The following MACF1 variants were observed in gnomAD, a reference collection of about 807,000 sequenced individuals.
The protein encoded by MACF1 is microtubule-actin cross-linking factor 1.
Under a neutral mutation model 854.8 loss-of-function variants are expected in MACF1, and 193 were observed. The ratio of observed to expected loss-of-function variants is 0.23; its 90% CI spans 0.20 to 0.25. The LOEUF (loss-of-function observed/expected upper bound fraction) is 0.25, where lower values mean the gene tolerates loss of function less well. Among genes scored for constraint, MACF1 ranks in the 10% least tolerant of loss-of-function variants. MACF1 has a pLI of 1.00. For synonymous variants in MACF1, 3,185 were observed against 3,226.7 expected (o/e 0.99, Z 0.44); for missense variants, 7,722 against 8,929.1 (o/e 0.86, Z 5.45).
intron 2 of MACF1, among the ~76,000 whole-genome samples, chr1:39,130,162 C>A (rs1231717608): frequency 6.6e-6 from 1 of 152,166 alleles, no homozygotes; most frequent in African/African-American, 2.4e-5. Context: ...TTTTTCCCCC[C>A]CATTCATGGG....
intron 1 of MACF1, 115 bp from the exon 2 acceptor site, chr1:39,231,067 C>G: frequency 1.2e-6 from 1 of 800,028 alleles, no homozygotes; most frequent in Non-Finnish European, 2.2e-6. Context: ...GTCACTGTCC[C>G]ACAGTTATGT....
intron 31 of MACF1, among the ~76,000 whole-genome samples, chr1:39,322,327 G>T (rs1571333225): frequency 6.6e-6 from 1 of 152,162 alleles, no homozygotes; most frequent in Admixed American, 6.5e-5. Flanking sequence ...ATTTTATGAT[G>T]TGAAAATAAT....
intron 7 of MACF1, 119 bp downstream of exon 7, chr1:39,282,493 A>G: frequency 2.5e-6 from 3 of 1,191,224 alleles, no homozygotes; most frequent in Non-Finnish European, 3.4e-6. Flanking sequence ...TCATTTGTTC[A>G]TTTGAAAAAG....
rs890500456 is a variant in MACF1, at chr1:39,375,712, A to G, written c.13214-2749A>G. On this transcript the variant is annotated intron_variant, in intron 52 of 100. Transcript: ENST00000564288. ...AATGTTTTTGAAAGTTGACTTCACAATGTCAGAACAGGCTTTGATTGAATT... is the reference window on the plus strand; with the variant it reads ...AATGTTTTTGAAAGTTGACTTCACAGTGTCAGAACAGGCTTTGATTGAATT... Among the ~76,000 whole-genome samples the G allele has an allele frequency of 6.6e-5, 10 of 152,260 alleles. No individual in the cohort carries two copies. In the South Asian group the frequency reaches 1.2e-3, roughly 19 times the overall value.
intron 45 of MACF1, 81 bp downstream of exon 45, chr1:39,357,974 A>G: frequency 7.1e-7 from 1 of 1,402,628 alleles, no homozygotes; most frequent in Non-Finnish European, 9.6e-7. Context: ...GGGGCTCAGA[A>G]TAAGAACTCC....
intron 2 of MACF1, among the ~76,000 whole-genome samples, chr1:39,197,654 G>A (rs1571162524): frequency 6.6e-6 from 1 of 152,204 alleles, no homozygotes; most frequent in African/African-American, 2.4e-5. Context: ...AGGCAGAGGC[G>A]GGAGGGTCAC....
In MACF1 at chr1:39,485,839, T is replaced by C. The variant is rs1221012878; in HGVS notation, c.*45T>C. The C allele has an allele frequency of 2.0e-6, 3 of 1,521,214 alleles. No homozygotes were observed. In the Admixed American group the frequency reaches 6.3e-5, roughly 32 times the overall value. The allele number at this position is 1,521,214 out of a possible 1,614,324, so 94.2% of individuals were successfully genotyped here. A position where few individuals can be genotyped will look rare whatever the true frequency, so the allele number is the denominator to read the frequency against. On this transcript the variant is annotated 3_prime_UTR_variant, in exon 101 of 101. Transcript: ENST00000564288. ...AGCCACTATCCACTTTGAATCCTGC[T>C]CCATACATTGGGTGTATATTTATTC...
At chr1:39,208,718 G>A (rs1332140311) in intron 1 of MACF1, among the ~76,000 whole-genome samples, 2 of 152,024 alleles carry the variant, frequency 1.3e-5, no homozygotes, top group Admixed American at 6.6e-5. Flanking sequence ...CCCGCCTCCC[G>A]GGTTCAAGCG....
chr1:39,485,592 G>C lies in MACF1; in HGVS notation c.22466G>C (p.Ser7489Thr). The C allele has an allele frequency of 6.2e-7, 1 of 1,614,146 alleles. No individual in the cohort carries two copies. The highest frequency in any genetic ancestry group is 8.5e-7 in the Non-Finnish European group (1 of 1,180,000). ...PGSRAGSRAGSRASSRRGSDA... is the reference protein window; with the variant it reads ...PGSRAGSRAGTRASSRRGSDA... Reference sequence around the variant, plus strand: ...AGTCGGGCTGGGAGTCGAGCCGGGAGTCGAGCCAGCAGCCGGCGAGGAAGT... The same window carrying C: ...AGTCGGGCTGGGAGTCGAGCCGGGACTCGAGCCAGCAGCCGGCGAGGAAGT... Residue 7489 changes from serine to threonine, a missense_variant, in exon 101 of 101, where the codon AGT becomes ACT. Ser to Thr is a moderately conservative substitution (Grantham distance 58). Around this residue, in one of 15 missense-constraint regions of MACF1, gnomAD observed 185 missense variants for 225.7 expected, o/e 0.82. Transcript: ENST00000564288.
intron 2 of MACF1, among the ~76,000 whole-genome samples, chr1:39,156,595 G>T (rs1238864719): frequency 6.6e-6 from 1 of 152,070 alleles, no homozygotes; most frequent in African/African-American, 2.4e-5. Flanking sequence ...CTCCAGCCTG[G>T]GTGACAGAAC....
At chr1:39,238,514 C>T (rs540500006) in intron 2 of MACF1, among the ~76,000 whole-genome samples, 54 of 152,214 alleles carry the variant, frequency 3.5e-4, no homozygotes, top group Non-Finnish European at 5.3e-4. Flanking sequence ...CATACTTTGT[C>T]TCTAACCGTT....
At position 39,335,879 on chromosome 1, in the gene MACF1, C is replaced by G; in HGVS notation, c.9291C>G (p.Ala3097=). The change falls in exon 37 of 101, where the codon GCC becomes GCG. Residue 3097 remains alanine, a synonymous_variant. Transcript: ENST00000564288. The part of the protein sequence containing the change: ...ENLSREIACG[A]QSEPFPCMTP... ...TATCTCGAGAAATTGCCTGTGGGGC[C>G]CAGAGTGAACCATTCCCTTGTATGA... 1.2e-6 allele frequency: 2 copies of G among 1,613,932 alleles called. No homozygotes were observed. Among genetic ancestry groups the G allele is most frequent in the Non-Finnish European group, 1.7e-6 (2 of 1,179,992 alleles).
chr1:39,291,233 C>T (rs1271163449), intron 15 of MACF1, among the ~76,000 whole-genome samples: 27 of 151,312 alleles, frequency 1.8e-4, no homozygotes, highest in African/African-American at 6.3e-4. Context: ...TGCCTCAGCC[C>T]CCCAAAGTGC....
chr1:39,245,685 C>G (rs1011176168), intron 2 of MACF1, among the ~76,000 whole-genome samples: 1 of 152,132 alleles, frequency 6.6e-6, no homozygotes, highest in Non-Finnish European at 1.5e-5. Flanking sequence ...CCCAGGAGTT[C>G]GAGACTAGCC....
intron 2 of MACF1, among the ~76,000 whole-genome samples, chr1:39,178,238 T>C (rs1042016852): frequency 1.3e-5 from 2 of 149,512 alleles, no homozygotes; most frequent in African/African-American, 2.5e-5. Context: ...ATGTGCAGAA[T>C]GTGCAGGTTT....
chr1:39,274,630 T>C (rs902419233), intron 6 of MACF1, among the ~76,000 whole-genome samples: 1 of 152,192 alleles, frequency 6.6e-6, no homozygotes, highest in African/African-American at 2.4e-5. Context: ...TTTTGGTATC[T>C]GAGGGAGGTC....
chr1:39,198,916 A>G (rs1333172813), intron 2 of MACF1, among the ~76,000 whole-genome samples: 1 of 152,218 alleles, frequency 6.6e-6, no homozygotes, highest in Non-Finnish European at 1.5e-5. Flanking sequence ...TATTATATAA[A>G]TAAGTCTTGT....
chr1:39,335,854 T>C lies in MACF1; in HGVS notation c.9266T>C (p.Leu3089Ser). The change falls in exon 37 of 101, where the codon TTA becomes TCA. Residue 3089 changes from leucine to serine, a missense_variant. This residue lies in a region of MACF1 where 854 missense variants were observed against 852.6 expected (regional missense o/e 1.00). Transcript: ENST00000564288. Reference protein sequence around the residue: ...LCLTLKPEENLSREIACGAQS... With the variant: ...LCLTLKPEENSSREIACGAQS... ...TTGACTTTAAAACCAGAAGAAAACT[T>C]ATCTCGAGAAATTGCCTGTGGGGCC... is the stretch of plus-strand genomic sequence containing the variant. 4 of 1,614,020 alleles carry C rather than the reference T, an allele frequency of 2.5e-6. No individual in the cohort carries two copies. Among genetic ancestry groups the C allele is most frequent in the Non-Finnish European group, 3.4e-6 (4 of 1,180,002 alleles).
chr1:39,155,496 A>T lies in MACF1; in HGVS notation c.220+71058A>T, dbSNP rs573815012. ...TCCTTTACATCTGACTCTTTTCAGC[A>T]CTTAAATTCAGATTGTACTATGCTG... is the stretch of plus-strand genomic sequence containing the variant. On this transcript the variant is annotated intron_variant, in intron 2 of 93. Transcript: ENST00000361689. Among the ~76,000 whole-genome samples the T allele has an allele frequency of 2.0e-5, 3 of 152,316 alleles. No homozygotes were observed. The South Asian group carries it at 6.2e-4, about 32-fold the overall frequency.
Sources: allele counts gnomAD v4.1 joint callset (sites outside exome capture counted in the v4.1 genomes callset), GRCh38; gene constraint gnomAD v4.1.1; regional missense constraint gnomAD v4.1.1; transcripts MANE v1.5; gene names NCBI Gene and HGNC (gene_info 2026-07-23, HGNC 2026-07-21).